ANO2: variants seen among roughly 807,000 people sequenced by gnomAD.
ANO2 encodes the protein anoctamin 2.
In ANO2, 101 loss-of-function variants were observed where a neutral mutation model predicts 124.2. The ratio of observed to expected loss-of-function variants is 0.81; its 90% CI spans 0.69 to 0.96. The LOEUF (loss-of-function observed/expected upper bound fraction) is 0.96. Ranked by LOEUF, ANO2 falls within the 40% of genes least tolerant of loss-of-function variation. The probability of loss-of-function intolerance (pLI) is 0.00; values close to 1 mark genes in which losing one functional copy is unlikely to be tolerated. For synonymous variants in ANO2, 486 were observed against 482.5 expected (o/e 1.01, Z -0.09); for missense variants, 1,293 against 1,274.5 (o/e 1.01, Z -0.22).
intron 16 of ANO2, among the ~76,000 whole-genome samples, chr12:5,618,271 G>C (rs555307739): frequency 6.6e-6 from 1 of 152,274 alleles, no homozygotes; most frequent in African/African-American, 2.4e-5. Context: ...AACGCCCATA[G>C]ACAGAGAGTG....
chr12:5,761,058 CA>C (rs34278479), intron 10 of ANO2, among the ~76,000 whole-genome samples: 1,682 of 120,916 alleles, frequency 0.014, 29 homozygotes, highest in African/African-American at 0.042. Context: ...ACCCCCACAG[CA>C]AAAAAAAAAA....
rs545845443 is a variant in ANO2 at position 5,925,557 on chromosome 12, G to A, written c.23-2753C>T. On this transcript the variant is annotated intron_variant, in intron 1 of 24. Coordinates refer to ENST00000682330, the MANE Select transcript of ANO2 (RefSeq NM_001364791.2). The surrounding 1 kb of genome is among the most constrained non-coding windows in gnomAD (Gnocchi z 4.6). The stretch of plus-strand genomic sequence containing the variant: ...GAAGGCCAAGGGGAACGCGAGTGAC[G>A]CCTGCCCTCAGGAAGGGGAAGGGTG... Among the ~76,000 whole-genome samples, 5 of 152,328 alleles carry A rather than the reference G, an allele frequency of 3.3e-5. No homozygotes were observed. The highest frequency in any genetic ancestry group is 1.9e-4 in the East Asian group (1 of 5,184).
At chr12:5,732,684 C>T (rs1950692624) in intron 13 of ANO2, 54 bp from the exon 14 acceptor site, 2 of 1,571,030 alleles carry the variant, frequency 1.3e-6, no homozygotes, top group South Asian at 1.1e-5. Flanking sequence ...TGACCTTGGC[C>T]TTAGGGTTAT....
At chr12:5,670,033 T>C (rs542585060) in intron 14 of ANO2, among the ~76,000 whole-genome samples, 57 of 152,300 alleles carry the variant, frequency 3.7e-4, no homozygotes, top group Middle Eastern at 3.4e-3. Context: ...TGTTCCTCTC[T>C]AAGAAGATAT....
intron 7 of ANO2, among the ~76,000 whole-genome samples, chr12:5,822,744 C>A (rs111266468): frequency 6.6e-6 from 1 of 152,154 alleles, no homozygotes; most frequent in African/African-American, 2.4e-5. Context: ...CTATCCTGTA[C>A]GCAATGCTTC....
intron 3 of ANO2, among the ~76,000 whole-genome samples, chr12:5,918,896 T>C (rs551916925): frequency 6.6e-6 from 1 of 152,290 alleles, no homozygotes; most frequent in South Asian, 2.1e-4. Context: ...TGAGGCATGT[T>C]TAAGTATAAT....
chr12:5,857,536 T>A (rs1955135330), intron 3 of ANO2, among the ~76,000 whole-genome samples: 1 of 152,146 alleles, frequency 6.6e-6, no homozygotes, highest in South Asian at 2.1e-4. Context: ...CCAGCCTTTA[T>A]TTTTTTGGTC....
chr12:5,887,070 C>T (rs1938968580), intron 3 of ANO2, among the ~76,000 whole-genome samples: 1 of 152,012 alleles, frequency 6.6e-6, no homozygotes, highest in African/African-American at 2.4e-5. Flanking sequence ...CATTTTGAAA[C>T]GGCTAAAATG....
intron 14 of ANO2, among the ~76,000 whole-genome samples, chr12:5,696,310 G>A (rs1323411095): frequency 6.6e-6 from 1 of 151,892 alleles, no homozygotes; most frequent in African/African-American, 2.4e-5. Context: ...AATCACAAAG[G>A]CAACATAATT....
chr12:5,742,040 T>A (rs983944027), intron 12 of ANO2, among the ~76,000 whole-genome samples: 2 of 152,112 alleles, frequency 1.3e-5, no homozygotes, highest in African/African-American at 4.8e-5. Context: ...TTTCCCAACA[T>A]ACCCTGGAGT....
intron 7 of ANO2, among the ~76,000 whole-genome samples, chr12:5,819,787 G>A (rs1159115865): frequency 6.6e-6 from 1 of 152,206 alleles, no homozygotes; most frequent in Non-Finnish European, 1.5e-5. Flanking sequence ...GGGAACCACA[G>A]TCACTCAACT....
intron 1 of ANO2, among the ~76,000 whole-genome samples, chr12:5,937,943 C>T (rs1250864456): frequency 7.3e-6 from 1 of 136,828 alleles, no homozygotes; most frequent in African/African-American, 3.1e-5. Context: ...AGGACATGCT[C>T]ATGAGGTCTT....
chr12:5,901,276 C>T (rs1017387331), intron 3 of ANO2, among the ~76,000 whole-genome samples: 1 of 152,142 alleles, frequency 6.6e-6, no homozygotes, highest in African/African-American at 2.4e-5. Context: ...AGCATTTGGA[C>T]AGGAGCTTGC....
At chr12:5,733,138 C>T (rs1410483034) in intron 13 of ANO2, 18 of 559,680 alleles carry the variant, frequency 3.2e-5, no homozygotes, top group South Asian at 8.3e-5. Flanking sequence ...GCTAAAATGG[C>T]GACCAATAAA....
intron 3 of ANO2, among the ~76,000 whole-genome samples, chr12:5,860,526 T>A (rs561681003): frequency 9.2e-5 from 14 of 152,316 alleles, no homozygotes; most frequent in African/African-American, 3.4e-4. Flanking sequence ...TCCATTTGGA[T>A]CCTGTGACCA....
At chr12:5,724,642 T>C (rs1439490932) in intron 14 of ANO2, among the ~76,000 whole-genome samples, 1 of 152,230 alleles carries the variant, frequency 6.6e-6, no homozygotes, top group African/African-American at 2.4e-5. Context: ...TAACTTTAGA[T>C]GAGTTTTCTT....
intron 14 of ANO2, among the ~76,000 whole-genome samples, chr12:5,674,427 TCTCC>T (rs946876544): frequency 6.1e-5 from 7 of 115,420 alleles, no homozygotes; most frequent in African/African-American, 1.8e-4. Flanking sequence ...ACATGTCAAC[TCTCC>T]CCACGCACAA....
chr12:5,740,570 T>G (rs540057913), intron 12 of ANO2: 8 of 153,188 alleles, frequency 5.2e-5, no homozygotes, highest in Admixed American at 5.1e-4. Flanking sequence ...ACAACTACAA[T>G]ACAAGACATA....
chr12:5,882,167 T>C (rs1489027804), intron 3 of ANO2, among the ~76,000 whole-genome samples: 3 of 152,178 alleles, frequency 2.0e-5, no homozygotes, highest in Non-Finnish European at 2.9e-5. Context: ...CACTGAGATT[T>C]TATCTGACCT....
Sources: allele counts gnomAD v4.1 joint callset (sites outside exome capture counted in the v4.1 genomes callset), GRCh38; gene constraint gnomAD v4.1.1; non-coding constraint Gnocchi (gnomAD v3.1); transcripts MANE v1.5; gene names NCBI Gene and HGNC (gene_info 2026-07-23, HGNC 2026-07-21).